The following PACRG variants were observed in gnomAD, a reference collection of about 807,000 sequenced individuals.
The protein encoded by PACRG is parkin coregulated, also known as parkin coregulated gene protein.
PACRG carries 29 observed loss-of-function variants against 29.7 expected under a neutral mutation model. The observed-to-expected ratio is 0.98, with a 90% confidence interval of 0.73 to 1.33. PACRG has a LOEUF of 1.33. Among genes scored for constraint, PACRG ranks in the 40% most tolerant of loss-of-function variants. The pLI, the probability that PACRG is intolerant of heterozygous loss-of-function variation, is 0.00. For synonymous variants in PACRG, 116 were observed against 118.7 expected, an observed-to-expected ratio of 0.98 and a Z score of 0.15; for missense variants, 279 against 316.2, an observed-to-expected ratio of 0.88 and a Z score of 0.89.
At chr6:162,751,770 A>G (rs1443869197) in intron 1 of PACRG, among the ~76,000 whole-genome samples, 2 of 152,156 alleles carry the variant, frequency 1.3e-5, no homozygotes, top group Admixed American at 6.5e-5. Context: ...AAAATGTGGT[A>G]GAAGAACTGC....
At chr6:163,009,960 G>T (rs1308526449) in intron 2 of PACRG, among the ~76,000 whole-genome samples, 3 of 152,100 alleles carry the variant, frequency 2.0e-5, no homozygotes, top group Non-Finnish European at 4.4e-5. Context: ...TCCTGTGTAG[G>T]CAGAAAACAT....
chr6:162,801,168 G>C (rs1337034029), intron 1 of PACRG, among the ~76,000 whole-genome samples: 2 of 152,058 alleles, frequency 1.3e-5, no homozygotes, highest in African/African-American at 4.8e-5. Context: ...GCCCAGGCTG[G>C]GGGATATCTT....
chr6:163,115,009 A>G (rs1049158183), intron 4 of PACRG, among the ~76,000 whole-genome samples: 2 of 152,220 alleles, frequency 1.3e-5, no homozygotes, highest in Admixed American at 1.3e-4. Context: ...ATCTCAACAA[A>G]GCTGGAAATA....
intron 2 of PACRG, among the ~76,000 whole-genome samples, chr6:162,834,109 T>G (rs1334820083): frequency 6.6e-6 from 1 of 152,100 alleles, no homozygotes; most frequent in Non-Finnish European, 1.5e-5. Flanking sequence ...TCATGTACGT[T>G]AGGTGCACAG....
chr6:163,249,015 C>CAAAA (rs57866351), intron 4 of PACRG, among the ~76,000 whole-genome samples: 2 of 107,486 alleles, frequency 1.9e-5, no homozygotes, highest in Admixed American at 9.9e-5. Context: ...GACTCTGTCT[C>CAAAA]AAAAAAAAAA....
rs1282303895 is a variant in PACRG at position 162,999,652 on chromosome 6, C to T, written c.292-62498C>T. Among the ~76,000 whole-genome samples the T allele has an allele frequency of 2.6e-5, 4 of 152,290 alleles. No individual in the cohort carries two copies. The East Asian group carries it at 7.7e-4, about 29-fold the overall frequency. ...TCCTTTCTTAAAGGGGATTAGCATT[C>T]TACATAGTAAAACATTTTAATTATA... On this transcript the variant is annotated intron_variant, in intron 2 of 4. Transcript: ENST00000366888.
At chr6:163,022,764 T>G (rs1326047078) in intron 2 of PACRG, among the ~76,000 whole-genome samples, 2 of 152,238 alleles carry the variant, frequency 1.3e-5, no homozygotes, top group Non-Finnish European at 2.9e-5. Context: ...TTAGGAATAG[T>G]GAAATTTCCT....
intron 4 of PACRG, among the ~76,000 whole-genome samples, chr6:163,300,616 A>G (rs1381138460): frequency 1.3e-5 from 2 of 152,236 alleles, no homozygotes; most frequent in African/African-American, 4.8e-5. Context: ...TCAGCTACTT[A>G]TCTGACATAA....
At chr6:162,807,096 C>G (rs571653973) in intron 1 of PACRG, among the ~76,000 whole-genome samples, 1 of 152,334 alleles carries the variant, frequency 6.6e-6, no homozygotes, top group African/African-American at 2.4e-5. Flanking sequence ...TCTTCTGAAG[C>G]TTCCTCACCT....
rs55973249 is a variant in PACRG, at chr6:163,084,851, C to CATATATATAATATATATATAAT, written c.464-4389_464-4388insAATATATATATAATATATATAT. On this transcript the variant is annotated intron_variant, in intron 3 of 4. Transcript: ENST00000366888. ...TATATCTCATATATACATATGTGTG[C>CATATATATAATATATATATAAT]ATATATATAATATATATATTATATT... Among the ~76,000 whole-genome samples the CATATATATAATATATATATAAT allele has an allele frequency of 1.4e-5, 2 of 138,698 alleles. 1 individual carries two copies. The highest frequency in any genetic ancestry group is 4.5e-4 in the South Asian group (2 of 4,444). 91.0% of individuals were successfully genotyped at this position (138,698 alleles called of 152,430 possible).
chr6:163,300,936 G>A (rs111324159), intron 4 of PACRG, among the ~76,000 whole-genome samples: 1 of 107,092 alleles, frequency 9.3e-6, no homozygotes, highest in Admixed American at 9.5e-5. Flanking sequence ...CACATCCACT[G>A]CTTCCCGTGA....
chr6:162,778,231 G>C (rs1783803713), intron 1 of PACRG, among the ~76,000 whole-genome samples: 1 of 152,172 alleles, frequency 6.6e-6, no homozygotes, highest in African/African-American at 2.4e-5. Context: ...TTCTGACTCA[G>C]TGGCAGTGGA....
intron 4 of PACRG, among the ~76,000 whole-genome samples, chr6:163,100,439 A>T (rs1271557447): frequency 6.6e-6 from 1 of 152,130 alleles, no homozygotes; most frequent in African/African-American, 2.4e-5. Context: ...GGACACCTTC[A>T]GGCTGCTCGA....
At chr6:162,781,188 C>A (rs1223867525) in intron 1 of PACRG, among the ~76,000 whole-genome samples, 1 of 151,936 alleles carries the variant, frequency 6.6e-6, no homozygotes, top group East Asian at 1.9e-4. Context: ...ACCTATGACA[C>A]CTTGGGAAAG....
chr6:163,237,506 A>C (rs1186179643), intron 4 of PACRG, among the ~76,000 whole-genome samples: 1 of 152,218 alleles, frequency 6.6e-6, no homozygotes, highest in Non-Finnish European at 1.5e-5. Context: ...GCTTAAGGAA[A>C]ACAAAAATGC....
intron 2 of PACRG, among the ~76,000 whole-genome samples, chr6:162,819,376 C>T (rs1246943458): frequency 1.3e-5 from 2 of 152,148 alleles, no homozygotes; most frequent in Non-Finnish European, 2.9e-5. Flanking sequence ...GGTAACTATA[C>T]ACATTTAATA....
chr6:162,874,377 T>G (rs1793110955), intron 2 of PACRG, among the ~76,000 whole-genome samples: 1 of 152,074 alleles, frequency 6.6e-6, no homozygotes, highest in Admixed American at 6.6e-5. Flanking sequence ...TTTAGGGTTT[T>G]GGGCTAGGGC....
At chr6:163,144,409 T>C (rs555092332) in intron 4 of PACRG, among the ~76,000 whole-genome samples, 21 of 152,160 alleles carry the variant, frequency 1.4e-4, no homozygotes, top group South Asian at 2.1e-4. Context: ...TAATATGTAA[T>C]GTATATTACA....
intron 4 of PACRG, among the ~76,000 whole-genome samples, chr6:163,288,568 G>A (rs1585402286): frequency 6.6e-6 from 1 of 152,174 alleles, no homozygotes; most frequent in South Asian, 2.1e-4. Flanking sequence ...ACCTTTGAAT[G>A]GGAACTAATA....
Sources: allele counts gnomAD v4.1 joint callset (sites outside exome capture counted in the v4.1 genomes callset), GRCh38; gene constraint gnomAD v4.1.1; transcripts MANE v1.5; gene names NCBI Gene and HGNC (gene_info 2026-07-23, HGNC 2026-07-21).